Variants in RBFOX1 observed in about 807,000 individuals in gnomAD.
RBFOX1 encodes the protein RNA binding fox-1 homolog 1.
A neutral mutation model predicts 57.7 loss-of-function variants in RBFOX1; 8 were observed. The observed-to-expected ratio is 0.14, with a 90% confidence interval of 0.08 to 0.25. RBFOX1 has a LOEUF of 0.25. RBFOX1 is among the 10% of genes least tolerant of loss of function. The pLI is 1.00. For synonymous variants in RBFOX1, 326 were observed against 222.4 expected, an observed-to-expected ratio of 1.47 and a Z score of -4.15; for missense variants, 611 against 548.5, an observed-to-expected ratio of 1.11 and a Z score of -1.14.
chr16:6,625,696 C>T (rs2098295837), intron 2 of RBFOX1, among the ~76,000 whole-genome samples: 1 of 152,082 alleles, frequency 6.6e-6, no homozygotes, highest in African/African-American at 2.4e-5. Context: ...GTATCTCTTC[C>T]AATTAATGTA....
intron 1 of RBFOX1, among the ~76,000 whole-genome samples, chr16:6,064,504 C>G (rs755218139): frequency 1.3e-5 from 2 of 152,148 alleles, no homozygotes; most frequent in African/African-American, 2.4e-5. Context: ...CCCACATTTT[C>G]TTTTCACATA....
At chr16:5,548,290 G>C (rs2151076829) in intron 2 of RBFOX1, among the ~76,000 whole-genome samples, 1 of 149,938 alleles carries the variant, frequency 6.7e-6, no homozygotes, top group East Asian at 1.9e-4. Flanking sequence ...CTCACTGCCT[G>C]GGTGATGGGA....
chr16:6,557,413 G>T (rs1453561291), intron 2 of RBFOX1, among the ~76,000 whole-genome samples: 1 of 152,040 alleles, frequency 6.6e-6, no homozygotes, highest in African/African-American at 2.4e-5. Context: ...GAACCAGACT[G>T]GGACAGTACG....
chr16:7,235,494 C>G (rs943605506), intron 4 of RBFOX1, among the ~76,000 whole-genome samples: 2 of 152,170 alleles, frequency 1.3e-5, no homozygotes, highest in African/African-American at 4.8e-5. Context: ...CAAGGAGATG[C>G]TGGTAGTTTT....
intron 3 of RBFOX1, among the ~76,000 whole-genome samples, chr16:5,680,352 C>T (rs981263159): frequency 6.6e-6 from 1 of 152,148 alleles, no homozygotes; most frequent in East Asian, 1.9e-4. Flanking sequence ...TCCATTGAAC[C>T]CTAATGTCCT....
At chr16:6,797,760 G>A (rs572470465) in intron 3 of RBFOX1, among the ~76,000 whole-genome samples, 3 of 152,166 alleles carry the variant, frequency 2.0e-5, no homozygotes, top group South Asian at 4.2e-4. Context: ...CATTATACCT[G>A]GTTTTATGAT....
intron 4 of RBFOX1, among the ~76,000 whole-genome samples, chr16:7,056,103 G>T (rs1013008179): frequency 3.9e-5 from 6 of 152,086 alleles, no homozygotes; most frequent in African/African-American, 1.4e-4. Context: ...TTAGGTGTGG[G>T]CAGCAGGCAT....
chr16:6,649,437 G>A (rs905723192), intron 2 of RBFOX1, among the ~76,000 whole-genome samples: 2 of 152,114 alleles, frequency 1.3e-5, no homozygotes, highest in Admixed American at 6.5e-5. Flanking sequence ...CTTCAGTGGT[G>A]GTTTCTGAGA....
chr16:6,709,716 G>A (rs777521179), intron 3 of RBFOX1, among the ~76,000 whole-genome samples: 15 of 152,012 alleles, frequency 9.9e-5, no homozygotes, highest in East Asian at 5.8e-4. Flanking sequence ...TGCGGGTTTC[G>A]GTGGAACAGT....
chr16:7,015,143 T>A (rs1597058041), intron 3 of RBFOX1, among the ~76,000 whole-genome samples: 1 of 152,326 alleles, frequency 6.6e-6, no homozygotes, highest in East Asian at 1.9e-4. Context: ...GTTCTCTTTT[T>A]CCTTTCTTCT....
chr16:5,271,718 T>C (rs1455336408), intron 1 of RBFOX1, among the ~76,000 whole-genome samples: 3 of 152,222 alleles, frequency 2.0e-5, no homozygotes, highest in African/African-American at 7.2e-5. Flanking sequence ...TATTGGAAAC[T>C]TTGTACCCTT....
intron 4 of RBFOX1, among the ~76,000 whole-genome samples, chr16:5,971,893 G>A (rs1362435067): frequency 6.6e-6 from 1 of 152,210 alleles, no homozygotes; most frequent in Admixed American, 6.5e-5. Flanking sequence ...ATGGCTCCAT[G>A]TAATGTGGGT....
At chr16:6,542,991 A>G (rs1441798400) in intron 2 of RBFOX1, among the ~76,000 whole-genome samples, 1 of 152,024 alleles carries the variant, frequency 6.6e-6, no homozygotes, top group Non-Finnish European at 1.5e-5. Context: ...CCTACTCTTT[A>G]TCATTCCTCC....
intron 2 of RBFOX1, among the ~76,000 whole-genome samples, chr16:6,629,776 A>C (rs1168201988): frequency 6.6e-6 from 1 of 152,202 alleles, no homozygotes; most frequent in African/African-American, 2.4e-5. Flanking sequence ...AGTCCTTCTG[A>C]GATAGCTTCG....
intron 1 of RBFOX1, among the ~76,000 whole-genome samples, chr16:6,217,056 T>C (rs12924056): frequency 0.72 from 109,062 of 151,968 alleles, 39,355 homozygotes; most frequent in South Asian, 0.85. Flanking sequence ...TTCTGACATA[T>C]CCGCATCTTA....
chr16:6,133,069 A>G (rs1030969347), intron 1 of RBFOX1, among the ~76,000 whole-genome samples: 4 of 151,258 alleles, frequency 2.6e-5, no homozygotes, highest in Admixed American at 2.6e-4. Flanking sequence ...ACTGCCTCAA[A>G]GGATGCAAGT....
intron 2 of RBFOX1, among the ~76,000 whole-genome samples, chr16:6,503,188 T>C (rs1014591): frequency 0.043 from 5,949 of 138,898 alleles, 387 homozygotes; most frequent in African/African-American, 0.14. Context: ...GATTTTTTTA[T>C]TATTTGTTTT....
chr16:6,792,361 A>G (rs372274845), intron 3 of RBFOX1, among the ~76,000 whole-genome samples: 38 of 152,322 alleles, frequency 2.5e-4, no homozygotes, highest in African/African-American at 7.7e-4. Flanking sequence ...TTAGGATTCT[A>G]TAATTGCATA....
At chr16:6,575,792 G>A (rs2097425292) in intron 2 of RBFOX1, among the ~76,000 whole-genome samples, 1 of 151,630 alleles carries the variant, frequency 6.6e-6, no homozygotes, top group Non-Finnish European at 1.5e-5. Context: ...AGGAGGTGGA[G>A]GTTGTAGTTA....
Sources: allele counts gnomAD v4.1 joint callset (sites outside exome capture counted in the v4.1 genomes callset), GRCh38; gene constraint gnomAD v4.1.1; transcripts MANE v1.5; gene names NCBI Gene and HGNC (gene_info 2026-07-23, HGNC 2026-07-21).